CDKAL1: variants seen among roughly 807,000 people sequenced by gnomAD.
CDKAL1 encodes the protein CDKAL1 threonylcarbamoyladenosine tRNA methylthiotransferase, also known as threonylcarbamoyladenosine tRNA methylthiotransferase.
CDKAL1 carries 32 observed loss-of-function variants against 68.2 expected under a neutral mutation model. The observed-to-expected ratio is 0.47, with a 90% CI of 0.35 to 0.63. The LOEUF (loss-of-function observed/expected upper bound fraction) is 0.63. Among genes scored for constraint, CDKAL1 ranks in the 30% least tolerant of loss-of-function variants. The pLI is 0.00. For missense variants in CDKAL1, 606 were observed against 696.7 expected, an observed-to-expected ratio of 0.87 and a Z score of 1.47; for synonymous variants, 234 against 244.3, an observed-to-expected ratio of 0.96 and a Z score of 0.39.
intron 5 of CDKAL1, among the ~76,000 whole-genome samples, chr6:20,651,932 T>A (rs941910855): frequency 3.3e-5 from 5 of 152,220 alleles, no homozygotes; most frequent in African/African-American, 1.2e-4. Flanking sequence ...CTTTTTGATG[T>A]GCTGCTGGAT....
intron 5 of CDKAL1, among the ~76,000 whole-genome samples, chr6:20,659,776 C>G (rs1769200864): frequency 6.6e-6 from 1 of 152,122 alleles, no homozygotes; most frequent in African/African-American, 2.4e-5. Context: ...CTCACCTTTT[C>G]TCTAGCTAGC....
chr6:20,822,922 A>G (rs1258908927), intron 8 of CDKAL1, among the ~76,000 whole-genome samples: 1 of 152,154 alleles, frequency 6.6e-6, no homozygotes, highest in Non-Finnish European at 1.5e-5. Context: ...AAAATGTACA[A>G]ATACACTCAG....
intron 13 of CDKAL1, among the ~76,000 whole-genome samples, chr6:21,183,588 G>A (rs1354002384): frequency 6.6e-6 from 1 of 152,156 alleles, no homozygotes; most frequent in Non-Finnish European, 1.5e-5. Context: ...CAGTAGTAAT[G>A]TTGAAGTTAT....
intron 4 of CDKAL1, among the ~76,000 whole-genome samples, chr6:20,583,871 A>G (rs774269025): frequency 6.0e-5 from 9 of 150,854 alleles, no homozygotes; most frequent in Admixed American, 4.6e-4. Flanking sequence ...GAGATTCAAG[A>G]TATCTTTAAT....
intron 4 of CDKAL1, among the ~76,000 whole-genome samples, chr6:20,649,092 A>C (rs1222793376): frequency 6.6e-6 from 1 of 152,234 alleles, no homozygotes; most frequent in Non-Finnish European, 1.5e-5. Context: ...AAGTGAAAAG[A>C]TATAGCATAG....
chr6:21,158,013 A>G (rs971210417), intron 13 of CDKAL1, among the ~76,000 whole-genome samples: 1 of 152,228 alleles, frequency 6.6e-6, no homozygotes, highest in Non-Finnish European at 1.5e-5. Context: ...GATTCTTCAC[A>G]TGCATTTGTT....
In CDKAL1 at chr6:21,197,932, AC is replaced by A. The variant is rs1415326040; in HGVS notation, c.1300-87del. The A allele has an allele frequency of 5.5e-6, 4 of 722,012 alleles. No individual in the cohort carries two copies. In the East Asian group the frequency reaches 1.1e-4, roughly 19 times the overall value. The allele number at this position is 722,012 out of a possible 1,614,324, so 44.7% of individuals were successfully genotyped here. On this transcript the variant is annotated intron_variant, in intron 13 of 15. Coordinates refer to ENST00000274695, the MANE Select transcript of CDKAL1 (RefSeq NM_017774.3). Reference sequence around the variant, plus strand: ...TTCAAGAAGACGCTACTTGGTCCAGACCTACCTGGGCTAGCCTTTATTTTTA... The same window carrying A: ...TTCAAGAAGACGCTACTTGGTCCAGACTACCTGGGCTAGCCTTTATTTTTA...
intron 13 of CDKAL1, among the ~76,000 whole-genome samples, chr6:21,172,115 C>G (rs1777411940): frequency 7.9e-5 from 12 of 152,134 alleles, no homozygotes; most frequent in Admixed American, 7.9e-4. Flanking sequence ...TAAAGCCAGT[C>G]AATATTTTGT....
At chr6:21,018,902 C>T (rs1189083901) in intron 11 of CDKAL1, among the ~76,000 whole-genome samples, 1 of 152,034 alleles carries the variant, frequency 6.6e-6, no homozygotes, top group Non-Finnish European at 1.5e-5. Flanking sequence ...ACATGGCCCA[C>T]CTTGTTTTAC....
intron 9 of CDKAL1, among the ~76,000 whole-genome samples, chr6:20,912,185 T>C (rs916828806): frequency 1.3e-4 from 20 of 152,216 alleles, no homozygotes; most frequent in Admixed American, 5.2e-4. Flanking sequence ...TTCTTTCAAA[T>C]TCGTAAAAAT....
At chr6:20,876,714 G>C (rs1760537598) in intron 9 of CDKAL1, among the ~76,000 whole-genome samples, 1 of 152,134 alleles carries the variant, frequency 6.6e-6, no homozygotes, top group Non-Finnish European at 1.5e-5. Flanking sequence ...GTAGAATTCA[G>C]TGTGTAATCA....
intron 4 of CDKAL1, among the ~76,000 whole-genome samples, chr6:20,595,785 G>A (rs1321460204): frequency 6.6e-6 from 1 of 152,106 alleles, no homozygotes; most frequent in Non-Finnish European, 1.5e-5. Context: ...TTTTTGCGCT[G>A]GTTTTTCCTC....
chr6:20,671,840 A>G (rs531136123), intron 5 of CDKAL1, among the ~76,000 whole-genome samples: 2 of 152,192 alleles, frequency 1.3e-5, no homozygotes, highest in South Asian at 4.2e-4. Context: ...ATGGACCAAC[A>G]TGATTCTCCT....
At chr6:20,613,273 T>C (rs1201844429) in intron 4 of CDKAL1, among the ~76,000 whole-genome samples, 2,236 of 98,202 alleles carry the variant, frequency 0.023, 177 homozygotes, top group African/African-American at 0.094. Context: ...TTTTTTTTTT[T>C]TTTTTTTTTT....
At chr6:20,729,559 A>G (rs1437779739) in intron 5 of CDKAL1, among the ~76,000 whole-genome samples, 1 of 151,736 alleles carries the variant, frequency 6.6e-6, no homozygotes, top group Non-Finnish European at 1.5e-5. Flanking sequence ...TATAATTCTC[A>G]GTTTATAAAG....
chr6:20,600,480 T>C (rs1766033752), intron 4 of CDKAL1, among the ~76,000 whole-genome samples: 1 of 152,098 alleles, frequency 6.6e-6, no homozygotes, highest in African/African-American at 2.4e-5. Flanking sequence ...GCCTCTGTAT[T>C]TGAACAGTTT....
At chr6:20,712,528 A>T (rs1315216796) in intron 5 of CDKAL1, among the ~76,000 whole-genome samples, 1 of 152,014 alleles carries the variant, frequency 6.6e-6, no homozygotes, top group Non-Finnish European at 1.5e-5. Context: ...AAGTGAAATG[A>T]AAAGAAAAGA....
intron 9 of CDKAL1, among the ~76,000 whole-genome samples, chr6:20,912,150 G>GT (rs968074878): frequency 5.3e-5 from 8 of 152,098 alleles, no homozygotes; most frequent in Non-Finnish European, 8.8e-5. Context: ...TTGTGTGTTT[G>GT]TTTTTTTACC....
intron 5 of CDKAL1, among the ~76,000 whole-genome samples, chr6:20,656,587 A>G (rs1769036860): frequency 6.6e-6 from 1 of 152,150 alleles, no homozygotes; most frequent in African/African-American, 2.4e-5. Context: ...GATACCCCCT[A>G]TGTACTGAAC....
Sources: gnomAD v4.1 joint callset for allele counts (sites outside exome capture counted in the v4.1 genomes callset) on GRCh38, gnomAD v4.1.1 for gene constraint, MANE v1.5 for transcripts, NCBI Gene and HGNC (gene_info 2026-07-23, HGNC 2026-07-21) for gene names.